SH3GL3: variants seen among roughly 807,000 people sequenced by gnomAD.
SH3GL3 encodes endophilin-A3.
A neutral mutation model predicts 47.7 loss-of-function variants in SH3GL3; 33 were observed. The ratio of observed to expected loss-of-function variants is 0.69; its 90% CI spans 0.52 to 0.92. The LOEUF is 0.92. Among genes scored for constraint, SH3GL3 ranks in the 40% least tolerant of loss-of-function variants. SH3GL3 has a pLI of 0.00. For missense variants in SH3GL3, 363 were observed against 417.8 expected (o/e 0.87, Z 1.14); for synonymous variants, 155 against 148.8 (o/e 1.04, Z -0.30).
chr15:83,612,002 C>T (rs2060680065), intron 8 of SH3GL3, among the ~76,000 whole-genome samples: 2 of 105,420 alleles, frequency 1.9e-5, no homozygotes, highest in African/African-American at 3.8e-5. Context: ...TTTTCCATTT[C>T]TGTTGTTGAC....
chr15:83,505,523 C>CTTTTTT (rs35112953), intron 1 of SH3GL3, among the ~76,000 whole-genome samples: 2 of 92,036 alleles, frequency 2.2e-5, no homozygotes, highest in South Asian at 3.6e-4. Flanking sequence ...CTTGAATTTC[C>CTTTTTT]TTTTTTTTTT....
intron 1 of SH3GL3, among the ~76,000 whole-genome samples, chr15:83,556,375 A>T (rs539974825): frequency 6.6e-6 from 1 of 152,372 alleles, no homozygotes; most frequent in African/African-American, 2.4e-5. Context: ...GCAGAAACGA[A>T]TGATCATGAC....
At chr15:83,615,731 A>G (rs2060794698) in intron 8 of SH3GL3, among the ~76,000 whole-genome samples, 1 of 152,240 alleles carries the variant, frequency 6.6e-6, no homozygotes, top group Admixed American at 6.5e-5. Context: ...ATGATTAAAT[A>G]TATGATAAAG....
intron 1 of SH3GL3, among the ~76,000 whole-genome samples, chr15:83,490,584 G>T (rs1043414534): frequency 6.6e-6 from 1 of 152,120 alleles, no homozygotes; most frequent in Non-Finnish European, 1.5e-5. Flanking sequence ...TGTTGCCTCC[G>T]TGATGTCACA....
intron 1 of SH3GL3, among the ~76,000 whole-genome samples, chr15:83,487,566 C>T (rs376619803): frequency 3.9e-5 from 6 of 152,028 alleles, no homozygotes; most frequent in South Asian, 2.1e-4. Context: ...TTTTGAGGAA[C>T]GGTTTCTGTC....
At chr15:83,555,617 G>C (rs1045476170) in intron 1 of SH3GL3, among the ~76,000 whole-genome samples, 5 of 152,264 alleles carry the variant, frequency 3.3e-5, no homozygotes, top group Non-Finnish European at 7.3e-5. Context: ...CTGATTCTTT[G>C]TTCTTCAGTC....
At chr15:83,535,439 C>T (rs2043861402) in intron 1 of SH3GL3, among the ~76,000 whole-genome samples, 4 of 152,098 alleles carry the variant, frequency 2.6e-5, no homozygotes, top group Admixed American at 2.0e-4. Context: ...AATAGCTACT[C>T]GACATTGTCC....
chr15:83,587,138 T>C (rs1445424341), intron 7 of SH3GL3, 52 bp downstream of exon 7: 8 of 921,840 alleles, frequency 8.7e-6, no homozygotes, highest in Non-Finnish European at 1.4e-5. Context: ...GTAACATCTA[T>C]TGAAATCCAT....
intron 8 of SH3GL3, among the ~76,000 whole-genome samples, chr15:83,617,444 AGGTGAGC>A (rs1403022469): frequency 9.2e-5 from 14 of 152,226 alleles, no homozygotes; most frequent in African/African-American, 3.4e-4. Flanking sequence ...TGGGAGGTTG[AGGTGAGC>A]AGATCACTTA....
chr15:83,544,356 G>T (rs1050425548), intron 1 of SH3GL3, among the ~76,000 whole-genome samples: 2 of 152,050 alleles, frequency 1.3e-5, no homozygotes, highest in Non-Finnish European at 2.9e-5. Context: ...TTATTCCATT[G>T]TGGTCAGAGA....
rs1201438084 is a variant in SH3GL3, at chr15:83,576,609, C to T, written c.492C>T (p.Arg164=). 1.2e-6 allele frequency: 2 copies of T among 1,610,562 alleles called. No homozygotes were observed. The highest frequency in any genetic ancestry group is 1.7e-6 in the Non-Finnish European group (2 of 1,178,864). Residue 164 remains arginine (R), a synonymous_variant, in exon 6 of 9, where the codon CGC becomes CGT. Coordinates refer to ENST00000427482, the MANE Select transcript of SH3GL3 (RefSeq NM_003027.5). ...IGHHLKKLEG[R]RLDYDYKKKR... is the part of the protein sequence containing the mutation. ...ATCACCTGAAAAAGCTGGAAGGCCG[C>T]CGCCTGGATTACGATTATAAAAAGA...
intron 8 of SH3GL3, among the ~76,000 whole-genome samples, chr15:83,609,802 T>A (rs2151842533): frequency 6.6e-6 from 1 of 152,162 alleles, no homozygotes; most frequent in Admixed American, 6.5e-5. Flanking sequence ...TCCCTTAAAG[T>A]CAGGGTTAGA....
intron 1 of SH3GL3, among the ~76,000 whole-genome samples, chr15:83,524,908 A>T (rs1052962022): frequency 2.6e-5 from 4 of 152,018 alleles, no homozygotes; most frequent in East Asian, 3.9e-4. Flanking sequence ...TTATCCATTT[A>T]TTTGTTGATG....
chr15:83,613,410 G>A (rs2060723295), intron 8 of SH3GL3, among the ~76,000 whole-genome samples: 1 of 152,148 alleles, frequency 6.6e-6, no homozygotes, highest in Non-Finnish European at 1.5e-5. Flanking sequence ...GTGGTTCCTT[G>A]CCAAGAATGA....
At chr15:83,630,622 G>A in the SH3GL3 span, among the ~76,000 whole-genome samples, 1 of 152,086 alleles carries the variant, frequency 6.6e-6, no homozygotes, top group African/African-American at 2.4e-5. Flanking sequence ...GCAAAGCAGG[G>A]AGAAACCCCT....
At chr15:83,517,205 C>CTT (rs36096315) in intron 1 of SH3GL3, among the ~76,000 whole-genome samples, 18 of 109,674 alleles carry the variant, frequency 1.6e-4, no homozygotes, top group African/African-American at 2.7e-4. Flanking sequence ...CTTTTCTTTT[C>CTT]TTTTTTTTTT....
chr15:83,611,460 G>C (rs2060664496), intron 8 of SH3GL3: 1 of 152,144 alleles, frequency 6.6e-6, no homozygotes, highest in Non-Finnish European at 1.5e-5. Flanking sequence ...CACTTGGGGA[G>C]GGCAGTGCTG....
At chr15:83,467,243 T>G (rs532212943) in intron 1 of SH3GL3, among the ~76,000 whole-genome samples, 1 of 152,248 alleles carries the variant, frequency 6.6e-6, no homozygotes. Flanking sequence ...TAGGTTGTTT[T>G]CTTTGCCTGT....
At chr15:83,564,723 A>G (rs2045455762) in intron 2 of SH3GL3, among the ~76,000 whole-genome samples, 1 of 152,220 alleles carries the variant, frequency 6.6e-6, no homozygotes, top group Non-Finnish European at 1.5e-5. Flanking sequence ...AGTTGCTAAT[A>G]TGAATCATTA....
Sources: gnomAD v4.1 joint callset for allele counts (sites outside exome capture counted in the v4.1 genomes callset) on GRCh38, gnomAD v4.1.1 for gene constraint, MANE v1.5 for transcripts, NCBI Gene and HGNC (gene_info 2026-07-23, HGNC 2026-07-21) for gene names.